The following SHISA2 variants were observed in gnomAD, a reference collection of about 807,000 sequenced individuals.
SHISA2 encodes the protein protein shisa-2 homolog.
SHISA2 carries 16 observed loss-of-function variants against 23.8 expected under a neutral mutation model. The ratio of observed to expected loss-of-function variants is 0.67; its 90% CI spans 0.46 to 1.02. The LOEUF is 1.02. SHISA2 is among the 50% of genes least tolerant of loss of function. The pLI is 0.00. For missense variants in SHISA2, 459 were observed against 420.1 expected (o/e 1.09, Z -0.81); for synonymous variants, 201 against 178.6 (o/e 1.13, Z -1.00).
chr13:26,050,529 C>A (rs1464927458), intron 1 of SHISA2, 113 bp downstream of exon 1: 2 of 1,094,896 alleles, frequency 1.8e-6, no homozygotes, highest in Non-Finnish European at 2.4e-6. Flanking sequence ...AGGCAGACTC[C>A]GCCTCCTGGT....
chr13:26,049,737 C>T lies in SHISA2; in HGVS notation c.334+905G>A, dbSNP rs557502829. On this transcript the variant is annotated intron_variant, in intron 1 of 1. Coordinates refer to ENST00000319420, the MANE Select transcript of SHISA2 (RefSeq NM_001007538.2). ...TGTGCCAAAGCTCAAGCAGCCCGAA[C>T]CCAGGCTCAGGATGCTAGCGAAAAG... Among the ~76,000 whole-genome samples the T allele has an allele frequency of 1.5e-4, 23 of 152,228 alleles. No individual in the cohort carries two copies. The East Asian group carries it at 3.9e-3, about 26-fold the overall frequency.
chr13:26,048,629 A>T (rs962563444), intron 1 of SHISA2, among the ~76,000 whole-genome samples: 12 of 152,200 alleles, frequency 7.9e-5, no homozygotes, highest in Admixed American at 7.2e-4. Context: ...GAAGGAGACC[A>T]CGCCTTTGAG....
chr13:26,046,908 G>A lies in SHISA2; in HGVS notation c.493C>T (p.Pro165Ser). Residue 165 changes from proline (P) to serine (S), a missense_variant, in exon 2 of 2, where the codon CCC becomes TCC. Transcript: ENST00000319420. ...GAGGTGCTGGCACTGGGGATCATGG[G>A]GATGGTCTCCATCAAGCGGTTACCC... ...PGGNRLMETI[P>S]MIPSASTSRG... The A allele has an allele frequency of 6.2e-7, 1 of 1,613,636 alleles. No individual in the cohort carries two copies. Among genetic ancestry groups the A allele is most frequent in the South Asian group, 1.1e-5 (1 of 91,010 alleles).
intron 1 of SHISA2, among the ~76,000 whole-genome samples, chr13:26,047,976 C>A (rs1396294273): frequency 1.3e-5 from 2 of 152,182 alleles, no homozygotes; most frequent in Non-Finnish European, 2.9e-5. Context: ...AAATAAAAAC[C>A]TTTTGATAAA....
chr13:26,049,152 CATA>C (rs1394636562), intron 1 of SHISA2, among the ~76,000 whole-genome samples: 13 of 152,316 alleles, frequency 8.5e-5, no homozygotes, highest in African/African-American at 2.4e-4. Flanking sequence ...CCTCAGTCCA[CATA>C]ATGAGTTTTG....
In SHISA2 at chr13:26,046,520, G is replaced by A. The variant is rs61944869; in HGVS notation, c.881C>T (p.Thr294Ile). 3 of 1,598,640 alleles carry A rather than the reference G, an allele frequency of 1.9e-6. No individual in the cohort carries two copies. Among genetic ancestry groups the A allele is most frequent in the Admixed American group, 1.7e-5 (1 of 59,442 alleles). ...CCCACCAGTGACTCTCGGTTATACA[G>A]TCACCGCTGGGTACATCTTCTGTTC... is the stretch of plus-strand genomic sequence containing the variant. ...NSEQKMYPAV[T>I]V Residue 294 changes from threonine (T) to isoleucine (I), a missense_variant, in exon 2 of 2, where the codon ACT (threonine) becomes ATT (isoleucine). Physicochemically the swap from Thr to Ile is moderately conservative, Grantham distance 89. Transcript: ENST00000319420.
At position 26,051,257 on chromosome 13, in the gene SHISA2, C is replaced by T. The variant is rs932188653; in HGVS notation, c.-282G>A. On this transcript the variant is annotated 5_prime_UTR_variant, in exon 1 of 2. Coordinates refer to ENST00000319420, the MANE Select transcript of SHISA2 (RefSeq NM_001007538.2). ...ATCTCGGGATGCAGTCAGAAGGCCCCCGGGGCTGTCGTCCGGAAGCCTCTG... is the reference window on the plus strand; with the variant it reads ...ATCTCGGGATGCAGTCAGAAGGCCCTCGGGGCTGTCGTCCGGAAGCCTCTG... Among the ~76,000 whole-genome samples, 3 of 152,166 alleles carry T rather than the reference C, an allele frequency of 2.0e-5. No individual in the cohort carries two copies. The highest frequency in any genetic ancestry group is 7.2e-5 in the African/African-American group (3 of 41,452).
At position 26,046,800 on chromosome 13, in the gene SHISA2, T is replaced by C; in HGVS notation, c.601A>G (p.Arg201Gly). Reference protein sequence around the residue: ...ANSGARAPPTRSQTNCCLPEG... With the variant: ...ANSGARAPPTGSQTNCCLPEG... The stretch of plus-strand genomic sequence containing the variant: ...GGCAAGCAACAGTTGGTCTGTGACC[T>C]TGTTGGGGGCGCCCGGGCCCCTGAG... Residue 201 changes from arginine (R) to glycine (G), a missense_variant, in exon 2 of 2, where the codon AGG becomes GGG. By Grantham distance (125) the Arg-to-Gly change is moderately radical (BLOSUM62 -2). Transcript: ENST00000319420. 6.2e-7 allele frequency: 1 copy of C among 1,614,144 alleles called. No homozygotes were observed.
Position 26,047,031 on chromosome 13 carries a change from C to A in SHISA2, c.370G>T (p.Val124Leu). 5.1e-6 allele frequency: 8 copies of A among 1,564,886 alleles called. No individual in the cohort carries two copies. The highest frequency in any genetic ancestry group is 2.3e-5 in the East Asian group (1 of 44,196). ...CCCAAGATGATAAAGGCGACAAACACGGAGCCAACAATGAGGAACGGCACG... is the reference window on the plus strand; with the variant it reads ...CCCAAGATGATAAAGGCGACAAACAAGGAGCCAACAATGAGGAACGGCACG... ...IYVPFLIVGS[V>L]FVAFIILGSL... Residue 124 changes from valine (V) to leucine (L), a missense_variant, in exon 2 of 2, where the codon GTG becomes TTG. Coordinates refer to ENST00000319420, the MANE Select transcript of SHISA2 (RefSeq NM_001007538.2).
In SHISA2 at chr13:26,051,321, C is replaced by T. The variant is rs1957302572; in HGVS notation, c.-346G>A. On this transcript the variant is annotated 5_prime_UTR_variant, in exon 1 of 2. Coordinates refer to ENST00000319420, the MANE Select transcript of SHISA2 (RefSeq NM_001007538.2). ...CAACCGGACCCTCCCTGAGCATCCC[C>T]GAAGGGATGCTCACTCGAGCCGAAT... 6.6e-6 allele frequency among the ~76,000 whole-genome samples: 1 copy of T among 152,138 alleles called. No homozygotes were observed. Among genetic ancestry groups the T allele is most frequent in the Non-Finnish European group, 1.5e-5 (1 of 68,018 alleles).
chr13:26,046,070 A>G lies in SHISA2; in HGVS notation c.*443T>C, dbSNP rs1452138462. 3 of 138,642 alleles carry G rather than the reference A, an allele frequency of 2.2e-5. No individual in the cohort carries two copies. Among genetic ancestry groups the G allele is most frequent in the African/African-American group, 8.7e-5 (3 of 34,436 alleles). 8.6% of individuals were successfully genotyped at this position (138,642 alleles called of 1,614,324 possible). A position where few individuals can be genotyped will look rare whatever the true frequency, so the allele number is the denominator to read the frequency against. On this transcript the variant is annotated 3_prime_UTR_variant, in exon 2 of 2. Transcript: ENST00000319420. ...ACTCCAGCCTGGGCAACAGAGCAAGACCCTGTCTGATTAAAAAAAAAAAAA... is the reference window on the plus strand; with the variant it reads ...ACTCCAGCCTGGGCAACAGAGCAAGGCCCTGTCTGATTAAAAAAAAAAAAA...
intron 1 of SHISA2, among the ~76,000 whole-genome samples, chr13:26,049,612 T>C (rs1295708604): frequency 6.6e-6 from 1 of 151,830 alleles, no homozygotes; most frequent in Non-Finnish European, 1.5e-5. Context: ...ACAATAGGAG[T>C]AGCATGCTAA....
At position 26,050,960 on chromosome 13, in the gene SHISA2, G is replaced by T. The variant is rs751549923; in HGVS notation, c.16C>A (p.Arg6Ser). The change falls in exon 1 of 2, where the codon CGC becomes AGC. Residue 6 changes from arginine to serine, a missense_variant. Coordinates refer to ENST00000319420, the MANE Select transcript of SHISA2 (RefSeq NM_001007538.2). MWGAR[R>S]SSVSSSWNAA... ...TTCCAGGATGAGGAGACGGACGAGC[G>T]GCGAGCGCCCCACATGGCACCACCC... is the stretch of plus-strand genomic sequence containing the variant. 9 of 1,512,194 alleles carry T rather than the reference G, an allele frequency of 6.0e-6. No homozygotes were observed. The South Asian group carries it at 1.1e-4, about 18-fold the overall frequency. The allele number at this position is 1,512,194 out of a possible 1,614,324, so 93.7% of individuals were successfully genotyped here.
At chr13:26,048,131 T>C (rs915901156) in intron 1 of SHISA2, among the ~76,000 whole-genome samples, 8 of 152,054 alleles carry the variant, frequency 5.3e-5, no homozygotes, top group Admixed American at 1.3e-4. Context: ...GGTGAGACCC[T>C]GTCTCTACTA....
intron 1 of SHISA2, 95 bp from the exon 2 acceptor site, chr13:26,047,161 T>C: frequency 7.8e-7 from 1 of 1,287,512 alleles, no homozygotes; most frequent in Non-Finnish European, 1.0e-6. Context: ...TGAGCAACAC[T>C]GATACCCACA....
In SHISA2 at chr13:26,046,576, C is replaced by A. The variant is rs778560321; in HGVS notation, c.825G>T (p.Gln275His). 5.0e-6 allele frequency: 8 copies of A among 1,614,086 alleles called. No homozygotes were observed. In the South Asian group the frequency reaches 8.8e-5, roughly 18 times the overall value. Residue 275 changes from glutamine (Q) to histidine (H), a missense_variant, in exon 2 of 2, where the codon CAG becomes CAT. Gln to His is a conservative substitution (Grantham distance 24, BLOSUM62 0). Transcript: ENST00000319420. ...FMDGLQPGYR[Q>H]IQSPFPHTNS... is the part of the protein sequence containing the mutation. ...TGGTGTGAGGGAAGGGGGACTGAATCTGCCTGTAGCCAGGCTGCAGGCCGT... is the reference window on the plus strand; with the variant it reads ...TGGTGTGAGGGAAGGGGGACTGAATATGCCTGTAGCCAGGCTGCAGGCCGT...
In SHISA2 at chr13:26,051,999, C is replaced by T. The variant is rs1401507518; in HGVS notation, c.-1024G>A. ...AGCCTCGCCTCGCCCCGCCCGGCGC[C>T]AGACCAGCTCCGACTCCGCTCGCTG... On this transcript the variant is annotated 5_prime_UTR_variant, in exon 1 of 2. Transcript: ENST00000319420. Among the ~76,000 whole-genome samples the T allele has an allele frequency of 2.6e-5, 4 of 152,170 alleles. No homozygotes were observed. The highest frequency in any genetic ancestry group is 3.9e-4 in the East Asian group (2 of 5,158).
Position 26,046,861 on chromosome 13 carries a change from C to T in SHISA2, c.540G>A (p.Gln180=). ...ASTSRGSSSR[Q]SSTAASSSSS... is the part of the protein sequence containing the mutation. ...AGCTGGAACTGGCAGCTGTGCTGGACTGGCGTGAGGACGACCCCCGGGAGG... is the reference window on the plus strand; with the variant it reads ...AGCTGGAACTGGCAGCTGTGCTGGATTGGCGTGAGGACGACCCCCGGGAGG... Residue 180 remains glutamine, a synonymous_variant, in exon 2 of 2, where the codon CAG becomes CAA. Transcript: ENST00000319420. 2 of 1,613,740 alleles carry T rather than the reference C, an allele frequency of 1.2e-6. No homozygotes were observed. The highest frequency in any genetic ancestry group is 1.7e-6 in the Non-Finnish European group (2 of 1,179,856).
At position 26,051,082 on chromosome 13, in the gene SHISA2, G is replaced by C; in HGVS notation, c.-107C>G. On this transcript the variant is annotated 5_prime_UTR_variant, in exon 1 of 2. Transcript: ENST00000319420. ...GCCTCGTCACTGACTGTCCCGCGGC[G>C]CTTTCCGCGCGGGCCACTCCCCTCT... 1 of 1,067,506 alleles carries C rather than the reference G, an allele frequency of 9.4e-7. No individual in the cohort carries two copies. The highest frequency in any genetic ancestry group is 3.2e-5 in the East Asian group (1 of 31,528). The allele number at this position is 1,067,506 out of a possible 1,614,324, so 66.1% of individuals were successfully genotyped here.
Sources: gnomAD v4.1 joint callset for allele counts (sites outside exome capture counted in the v4.1 genomes callset) on GRCh38, gnomAD v4.1.1 for gene constraint, MANE v1.5 for transcripts, NCBI Gene and HGNC (gene_info 2026-07-23, HGNC 2026-07-21) for gene names.